The following SLC15A4 variants were observed in gnomAD, a reference collection of about 807,000 sequenced individuals.
SLC15A4 encodes hPHT1.
In SLC15A4, 26 loss-of-function variants were observed where a neutral mutation model predicts 46.1. The observed-to-expected ratio is 0.56, with a 90% CI of 0.41 to 0.78. The LOEUF is 0.78. Ranked by LOEUF, SLC15A4 falls within the 30% of genes least tolerant of loss-of-function variation. The pLI, the probability that SLC15A4 is intolerant of heterozygous loss-of-function variation, is 0.00. For missense variants in SLC15A4, 751 were observed against 755.7 expected, an observed-to-expected ratio of 0.99 and a Z score of 0.07; for synonymous variants, 370 against 333.4, an observed-to-expected ratio of 1.11 and a Z score of -1.20.
chr12:128,803,541 G>A (rs536179917), intron 5 of SLC15A4, among the ~76,000 whole-genome samples: 10 of 152,278 alleles, frequency 6.6e-5, no homozygotes, highest in African/African-American at 1.7e-4. Context: ...GGCTCTCAAC[G>A]ATGCCACATG....
intron 5 of SLC15A4, among the ~76,000 whole-genome samples, chr12:128,807,197 G>A (rs1001737560): frequency 8.6e-5 from 13 of 151,754 alleles, no homozygotes; most frequent in Admixed American, 1.3e-4. Context: ...CACCGTGCCC[G>A]GCCTGCTAGC....
At chr12:128,800,777 C>T in intron 6 of SLC15A4, 77 bp downstream of exon 6, 3 of 1,442,436 alleles carry the variant, frequency 2.1e-6, no homozygotes, top group Non-Finnish European at 2.8e-6. Context: ...TCAACATATT[C>T]CAACAGCACA....
intron 2 of SLC15A4, among the ~76,000 whole-genome samples, chr12:128,812,085 G>A (rs1453927174): frequency 1.3e-5 from 2 of 152,144 alleles, no homozygotes; most frequent in Non-Finnish European, 2.9e-5. Flanking sequence ...GGTTCTCACG[G>A]ATTCCCAAAG....
At chr12:128,797,215 G>A (rs918076607) in intron 7 of SLC15A4, among the ~76,000 whole-genome samples, 1 of 152,068 alleles carries the variant, frequency 6.6e-6, no homozygotes, top group Admixed American at 6.5e-5. Context: ...GGCACCCACC[G>A]ACAACAGCAT....
chr12:128,810,470 A>G lies in SLC15A4; in HGVS notation c.843-359T>C, dbSNP rs532294071. ...GGGAGAGTCTGCAGCTCTACGTGAC[A>G]CTGGGAGGGACACTAGCTATGCCAC... On this transcript the variant is annotated intron_variant, in intron 2 of 7. Transcript: ENST00000266771. 1.5e-4 allele frequency: 38 copies of G among 251,854 alleles called. No homozygotes were observed. The East Asian group carries it at 3.7e-3, about 25-fold the overall frequency. 15.6% of individuals were successfully genotyped at this position (251,854 alleles called of 1,614,324 possible).
intron 6 of SLC15A4, 122 bp downstream of exon 6, chr12:128,800,732 G>T: frequency 9.7e-7 from 1 of 1,030,768 alleles, no homozygotes; most frequent in Non-Finnish European, 1.4e-6. Context: ...ACCACACACT[G>T]CCAAAAACTA....
chr12:128,808,371 G>A (rs1372641970), intron 5 of SLC15A4, among the ~76,000 whole-genome samples: 1 of 152,096 alleles, frequency 6.6e-6, no homozygotes, highest in Non-Finnish European at 1.5e-5. Flanking sequence ...AAAATTCAAA[G>A]GACTCGCAGG....
At chr12:128,822,187 G>T (rs564812366) in intron 1 of SLC15A4, among the ~76,000 whole-genome samples, 45 of 152,296 alleles carry the variant, frequency 3.0e-4, no homozygotes, top group Middle Eastern at 3.4e-3. Context: ...TGGTGGCCAC[G>T]TCCTTGCCCC....
intron 1 of SLC15A4, chr12:128,815,284 A>C: frequency 3.8e-6 from 1 of 261,128 alleles, no homozygotes; most frequent in Non-Finnish European, 7.0e-6. Flanking sequence ...GTTTCACTTA[A>C]TTACACTAAA....
At chr12:128,799,580 G>A (rs1456881136) in intron 6 of SLC15A4, among the ~76,000 whole-genome samples, 163 bp from the exon 7 acceptor site, 4 of 152,146 alleles carry the variant, frequency 2.6e-5, no homozygotes, top group African/African-American at 7.2e-5. Flanking sequence ...GCTTACTAGC[G>A]ACCAAGAATC....
At chr12:128,822,541 T>TA (rs1465303820) in intron 1 of SLC15A4, among the ~76,000 whole-genome samples, 1 of 152,126 alleles carries the variant, frequency 6.6e-6, no homozygotes, top group Non-Finnish European at 1.5e-5. Flanking sequence ...TTCATTTATT[T>TA]TTTATTTATT....
chr12:128,803,769 G>A (rs1055104328), intron 5 of SLC15A4, among the ~76,000 whole-genome samples: 3 of 152,094 alleles, frequency 2.0e-5, no homozygotes, highest in Non-Finnish European at 4.4e-5. Flanking sequence ...AATAGAAAGC[G>A]AGGCCCCAGA....
chr12:128,795,796 T>C (rs939231398), intron 7 of SLC15A4, among the ~76,000 whole-genome samples: 40 of 152,232 alleles, frequency 2.6e-4, no homozygotes, highest in Non-Finnish European at 7.3e-5. Flanking sequence ...TGTCGCCCTG[T>C]GCTCTCCACC....
At chr12:128,816,599 G>C (rs961650274) in intron 1 of SLC15A4, among the ~76,000 whole-genome samples, 1 of 152,196 alleles carries the variant, frequency 6.6e-6, no homozygotes, top group African/African-American at 2.4e-5. Context: ...GGGAAGCCAG[G>C]GCAGGCAGAC....
In SLC15A4 at chr12:128,794,194, G is replaced by A. The variant is rs942975406; in HGVS notation, c.*2C>T. Reference sequence around the variant, plus strand: ...CAGAAACCGCACATGGCCTCAGGAAGGTCAGGCCCTCCTGCTGGTGGGCAC... The same window carrying A: ...CAGAAACCGCACATGGCCTCAGGAAAGTCAGGCCCTCCTGCTGGTGGGCAC... On this transcript the variant is annotated 3_prime_UTR_variant, in exon 8 of 8. Coordinates refer to ENST00000266771, the MANE Select transcript of SLC15A4 (RefSeq NM_145648.4). 1.2e-6 allele frequency: 2 copies of A among 1,610,180 alleles called. No individual in the cohort carries two copies. The highest frequency in any genetic ancestry group is 1.7e-6 in the Non-Finnish European group (2 of 1,177,614).
intron 1 of SLC15A4, among the ~76,000 whole-genome samples, chr12:128,818,759 A>C (rs964599143): frequency 2.0e-5 from 3 of 152,082 alleles, no homozygotes; most frequent in Non-Finnish European, 4.4e-5. Context: ...TGTTCCCTTT[A>C]AGTCAGTCCC....
rs527932692 is a variant in SLC15A4, at chr12:128,822,111, T to A, written c.546+1287A>T. 1.6e-4 allele frequency among the ~76,000 whole-genome samples: 25 copies of A among 152,310 alleles called. No individual in the cohort carries two copies. In the South Asian group the frequency reaches 5.2e-3, roughly 32 times the overall value. ...TTCCACCTCACTTCCCACTTTTTTTTATATTTTCTGAAACGATCTGACTTT... is the reference window on the plus strand; with the variant it reads ...TTCCACCTCACTTCCCACTTTTTTTAATATTTTCTGAAACGATCTGACTTT... On this transcript the variant is annotated intron_variant, in intron 1 of 7. Coordinates refer to ENST00000266771, the MANE Select transcript of SLC15A4 (RefSeq NM_145648.4).
intron 2 of SLC15A4, chr12:128,813,925 A>G (rs902276640): frequency 5.9e-5 from 9 of 153,388 alleles, no homozygotes; most frequent in African/African-American, 2.2e-4. Context: ...TTATTCCTCA[A>G]TAAAGAGTAA....
intron 5 of SLC15A4, among the ~76,000 whole-genome samples, chr12:128,803,622 A>T (rs1269756508): frequency 6.6e-6 from 1 of 152,196 alleles, no homozygotes; most frequent in East Asian, 1.9e-4. Flanking sequence ...ACAAATCATG[A>T]ACTTTACTGT....
Sources: gnomAD v4.1 joint callset for allele counts (sites outside exome capture counted in the v4.1 genomes callset) on GRCh38, gnomAD v4.1.1 for gene constraint, MANE v1.5 for transcripts, NCBI Gene and HGNC (gene_info 2026-07-23, HGNC 2026-07-21) for gene names.